The following RBFOX1 variants were observed in gnomAD, a reference collection of about 807,000 sequenced individuals.
The protein encoded by RBFOX1 is RNA binding protein fox-1 homolog 1.
Under a neutral mutation model 57.7 loss-of-function variants are expected in RBFOX1, and 8 were observed. The observed-to-expected ratio is 0.14, with a 90% CI of 0.08 to 0.25. The LOEUF is 0.25. RBFOX1 is among the 10% of genes least tolerant of loss of function. The pLI, the probability that RBFOX1 is intolerant of heterozygous loss-of-function variation, is 1.00. For missense variants in RBFOX1, 611 were observed against 548.5 expected (o/e 1.11, Z -1.14); for synonymous variants, 326 against 222.4 (o/e 1.47, Z -4.15).
At chr16:5,696,096 A>T (rs2050835021) in intron 3 of RBFOX1, among the ~76,000 whole-genome samples, 1 of 152,202 alleles carries the variant, frequency 6.6e-6, no homozygotes, top group African/African-American at 2.4e-5. Flanking sequence ...ACAGAGAAGA[A>T]TATAGTGAAC....
At chr16:6,859,702 G>C (rs968751756) in intron 3 of RBFOX1, among the ~76,000 whole-genome samples, 1 of 152,074 alleles carries the variant, frequency 6.6e-6, no homozygotes, top group African/African-American at 2.4e-5. Flanking sequence ...ATCGACTACG[G>C]TATCAGCAAA....
intron 4 of RBFOX1, among the ~76,000 whole-genome samples, chr16:5,977,150 C>T (rs2060080436): frequency 6.6e-6 from 1 of 152,130 alleles, no homozygotes; most frequent in African/African-American, 2.4e-5. Flanking sequence ...CTGGACTGGA[C>T]CACCCATCTC....
intron 3 of RBFOX1, among the ~76,000 whole-genome samples, chr16:6,805,260 C>A (rs980037492): frequency 6.6e-6 from 1 of 152,090 alleles, no homozygotes; most frequent in African/African-American, 2.4e-5. Context: ...GAGCTTGAGG[C>A]CATTTTCCTT....
intron 3 of RBFOX1, among the ~76,000 whole-genome samples, chr16:6,960,071 T>C (rs2082642724): frequency 6.6e-6 from 1 of 152,170 alleles, no homozygotes; most frequent in Non-Finnish European, 1.5e-5. Flanking sequence ...AAAGGAATTC[T>C]TAACAGGACC....
chr16:6,697,529 A>G (rs899865048), intron 3 of RBFOX1, among the ~76,000 whole-genome samples: 1 of 152,184 alleles, frequency 6.6e-6, no homozygotes, highest in Admixed American at 6.5e-5. Context: ...TCTGCTTTCC[A>G]TTGTGTGATC....
At chr16:5,464,718 G>T (rs566437177) in intron 1 of RBFOX1, among the ~76,000 whole-genome samples, 1 of 152,336 alleles carries the variant, frequency 6.6e-6, no homozygotes, top group South Asian at 2.1e-4. Context: ...AAGAAGCAAA[G>T]AAAACAGAGC....
At chr16:6,910,143 G>A (rs937829686) in intron 3 of RBFOX1, among the ~76,000 whole-genome samples, 6 of 151,942 alleles carry the variant, frequency 3.9e-5, no homozygotes, top group Non-Finnish European at 7.4e-5. Context: ...GCATTCTAGC[G>A]GGGCTTTGAT....
At chr16:6,409,803 C>G (rs1318709023) in intron 2 of RBFOX1, among the ~76,000 whole-genome samples, 1 of 152,190 alleles carries the variant, frequency 6.6e-6, no homozygotes, top group Non-Finnish European at 1.5e-5. Flanking sequence ...TTCTCTTCCC[C>G]TAGCTGCTTC....
intron 5 of RBFOX1, among the ~76,000 whole-genome samples, chr16:7,561,156 A>G (rs905380588): frequency 6.6e-6 from 1 of 152,348 alleles, no homozygotes; most frequent in East Asian, 1.9e-4. Context: ...TCTAAGAACC[A>G]ACATGGGAAT....
chr16:7,617,355 A>G (rs1473326404), intron 10 of RBFOX1, among the ~76,000 whole-genome samples: 5 of 152,190 alleles, frequency 3.3e-5, no homozygotes, highest in Admixed American at 2.6e-4. Flanking sequence ...TACAATTTTC[A>G]TGTGTCACAA....
At chr16:6,790,338 C>A (rs922663829) in intron 3 of RBFOX1, among the ~76,000 whole-genome samples, 1 of 152,090 alleles carries the variant, frequency 6.6e-6, no homozygotes, top group African/African-American at 2.4e-5. Context: ...GCACCCGCCA[C>A]CATGCCTGGC....
At chr16:6,923,324 A>T (rs8057167) in intron 3 of RBFOX1, among the ~76,000 whole-genome samples, 4 of 151,940 alleles carry the variant, frequency 2.6e-5, no homozygotes, top group African/African-American at 4.8e-5. Flanking sequence ...ATGTGAGGTC[A>T]GGAGTTCAAG....
chr16:5,675,559 G>T (rs925632111), intron 3 of RBFOX1, among the ~76,000 whole-genome samples: 4 of 152,144 alleles, frequency 2.6e-5, no homozygotes, highest in Non-Finnish European at 5.9e-5. Context: ...AGAAAACAAG[G>T]CATGGGGAAA....
At chr16:5,255,697 C>G (rs996457165) in intron 1 of RBFOX1, among the ~76,000 whole-genome samples, 7 of 152,158 alleles carry the variant, frequency 4.6e-5, no homozygotes, top group Non-Finnish European at 1.0e-4. Flanking sequence ...TCCATCCACC[C>G]ACCTATCTAT....
At chr16:6,979,882 C>G (rs1238544419) in intron 3 of RBFOX1, among the ~76,000 whole-genome samples, 2 of 152,108 alleles carry the variant, frequency 1.3e-5, no homozygotes, top group African/African-American at 2.4e-5. Context: ...TCCTGGGCAT[C>G]TAGGTGTGGC....
chr16:6,608,363 C>G (rs1373219725), intron 2 of RBFOX1, among the ~76,000 whole-genome samples: 1 of 152,168 alleles, frequency 6.6e-6, no homozygotes, highest in Non-Finnish European at 1.5e-5. Context: ...TATTATTGTT[C>G]ACCTCTTTGT....
intron 3 of RBFOX1, among the ~76,000 whole-genome samples, chr16:6,894,781 A>G (rs1202234766): frequency 6.6e-6 from 1 of 152,136 alleles, no homozygotes; most frequent in South Asian, 2.1e-4. Context: ...TTAAAAAGCC[A>G]TTTTCCCTGT....
At chr16:6,806,990 C>T (rs970378042) in intron 3 of RBFOX1, among the ~76,000 whole-genome samples, 37 of 151,284 alleles carry the variant, frequency 2.4e-4, no homozygotes, top group Admixed American at 2.2e-3. Context: ...CGTCTCACCA[C>T]GTCCAGCTGA....
intron 1 of RBFOX1, among the ~76,000 whole-genome samples, chr16:6,306,401 C>T (rs554121304): frequency 6.6e-6 from 1 of 152,204 alleles, no homozygotes; most frequent in Admixed American, 6.5e-5. Context: ...ATCGCTCATG[C>T]ATCGAAAGGA....
Sources: gnomAD v4.1 joint callset for allele counts (sites outside exome capture counted in the v4.1 genomes callset) on GRCh38, gnomAD v4.1.1 for gene constraint, MANE v1.5 for transcripts, NCBI Gene and HGNC (gene_info 2026-07-23, HGNC 2026-07-21) for gene names.